Variants in PCDHGA7 observed in about 807,000 individuals in gnomAD.
The protein encoded by PCDHGA7 is protocadherin gamma-A7.
In PCDHGA7, 44 loss-of-function variants were observed where a neutral mutation model predicts 58.3. The observed-to-expected ratio is 0.75, with a 90% CI of 0.59 to 0.97. The LOEUF (loss-of-function observed/expected upper bound fraction) is 0.97. Among genes scored for constraint, PCDHGA7 ranks in the 50% least tolerant of loss-of-function variants. The probability of loss-of-function intolerance (pLI) is 0.00; values close to 1 mark genes in which losing one functional copy is unlikely to be tolerated. For missense variants in PCDHGA7, 1,266 were observed against 1,188.7 expected, an observed-to-expected ratio of 1.06 and a Z score of -0.96; for synonymous variants, 516 against 504.2, an observed-to-expected ratio of 1.02 and a Z score of -0.31.
At position 141,486,092 on chromosome 5, in the gene PCDHGA7, C is replaced by T. The variant is rs2099624294; in HGVS notation, c.2425-8715C>T. The T allele has an allele frequency of 3.7e-6, 6 of 1,614,148 alleles. No homozygotes were observed. In the East Asian group the frequency reaches 1.3e-4, roughly 36 times the overall value. On this transcript the variant is annotated intron_variant, in intron 1 of 3. Coordinates refer to ENST00000518325, the MANE Select transcript of PCDHGA7 (RefSeq NM_018920.4). This position sits in a 1 kb window ranked among gnomAD's most constrained non-coding sequence, Gnocchi z 5.0. Reference sequence around the variant, plus strand: ...TACTGGAAAGCTTACTCTTTTGGGGCCCCTAGACTTTGAGAGTGAGAATTA... The same window carrying T: ...TACTGGAAAGCTTACTCTTTTGGGGTCCCTAGACTTTGAGAGTGAGAATTA...
At chr5:141,394,122 C>G in intron 1 of PCDHGA7, 1 of 1,613,944 alleles carries the variant, frequency 6.2e-7, no homozygotes, top group Middle Eastern at 1.6e-4. Context: ...CACTGAAACT[C>G]AAATCGCTCT....
chr5:141,498,103 G>C (rs2099781622), intron 2 of PCDHGA7, among the ~76,000 whole-genome samples: 1 of 152,216 alleles, frequency 6.6e-6, no homozygotes. Context: ...GGTGGTGTGG[G>C]CGTATAATAG....
chr5:141,384,870 C>T lies in PCDHGA7; in HGVS notation c.1971C>T (p.Thr657=), dbSNP rs573213865. 2.6e-5 allele frequency: 42 copies of T among 1,613,806 alleles called. No homozygotes were observed. The Admixed American group carries it at 4.7e-4, about 18-fold the overall frequency. ...QDHGQPPLSA[T]VTLTVAVADS... Reference sequence around the variant, plus strand: ...ACGGTCAGCCTCCTCTGTCAGCCACCGTCACACTCACCGTGGCTGTGGCTG... The same window carrying T: ...ACGGTCAGCCTCCTCTGTCAGCCACTGTCACACTCACCGTGGCTGTGGCTG... Residue 657 remains threonine, a synonymous_variant, in exon 1 of 4, where the codon ACC becomes ACT. Coordinates refer to ENST00000518325, the MANE Select transcript of PCDHGA7 (RefSeq NM_018920.4).
chr5:141,507,251 A>G (rs958917337), intron 3 of PCDHGA7: 3 of 152,400 alleles, frequency 2.0e-5, no homozygotes, highest in Non-Finnish European at 4.4e-5. Context: ...TGAATGTCAG[A>G]TAAACAGCAA....
intron 1 of PCDHGA7, chr5:141,390,568 C>T: frequency 2.4e-6 from 1 of 414,986 alleles, no homozygotes; most frequent in Non-Finnish European, 4.3e-6. Context: ...GTTGTTGGCT[C>T]TCTCCTAAAA....
intron 3 of PCDHGA7, among the ~76,000 whole-genome samples, chr5:141,508,620 G>A (rs1017391751): frequency 2.0e-5 from 3 of 152,070 alleles, no homozygotes; most frequent in East Asian, 1.9e-4. Context: ...GACGTGGGTG[G>A]GCCGAGCTTC....
At position 141,384,012 on chromosome 5, in the gene PCDHGA7, A is replaced by G; in HGVS notation, c.1113A>G (p.Leu371=). ...GGACAGTCATTGCTCTTTTCTACCT[A>G]CAAGACAGAGATTCTGGAAAGAATG... The part of the protein sequence containing the change: ...PLGTVIALFY[L]QDRDSGKNGE... The change falls in exon 1 of 4, where the codon CTA becomes CTG. Residue 371 remains leucine (L), a synonymous_variant. Transcript: ENST00000518325. The G allele has an allele frequency of 6.2e-7, 1 of 1,613,830 alleles. No individual in the cohort carries two copies. Among genetic ancestry groups the G allele is most frequent in the Non-Finnish European group, 8.5e-7 (1 of 1,179,812 alleles).
At position 141,419,726 on chromosome 5, in the gene PCDHGA7, A is replaced by AC. The variant is rs757890106; in HGVS notation, c.2424+34404dup. On this transcript the variant is annotated intron_variant, in intron 1 of 3. Coordinates refer to ENST00000518325, the MANE Select transcript of PCDHGA7 (RefSeq NM_018920.4). ...CGGGCTCTTCAGCCTGGGGCTGCGA[A>AC]CAGGCGAGGTGCGCATGGTGCGTGC... 3.1e-6 allele frequency: 5 copies of AC among 1,613,402 alleles called. No individual in the cohort carries two copies. The Admixed American group carries it at 8.3e-5, about 27-fold the overall frequency.
At chr5:141,466,123 A>G (rs961197575) in intron 1 of PCDHGA7, among the ~76,000 whole-genome samples, 1 of 151,364 alleles carries the variant, frequency 6.6e-6, no homozygotes, top group African/African-American at 2.4e-5. Flanking sequence ...CTCCAGCTCA[A>G]AAAAAAAATC....
intron 1 of PCDHGA7, among the ~76,000 whole-genome samples, chr5:141,467,950 C>T (rs780236016): frequency 2.6e-5 from 4 of 152,290 alleles, no homozygotes; most frequent in Admixed American, 6.5e-5. Context: ...TGAGCCACCA[C>T]ACCCGGCTGC....
chr5:141,425,483 C>A (rs1172308088), intron 1 of PCDHGA7, among the ~76,000 whole-genome samples: 2 of 152,304 alleles, frequency 1.3e-5, no homozygotes, highest in Non-Finnish European at 2.9e-5. Flanking sequence ...CTATGGCAAC[C>A]TACTAGGCTA....
At chr5:141,386,116 T>G (rs376387323) in intron 1 of PCDHGA7, 1 of 152,146 alleles carries the variant, frequency 6.6e-6, no homozygotes, top group Admixed American at 6.6e-5. Context: ...GCTATCAAAG[T>G]GGGAGATTGG....
intron 1 of PCDHGA7, chr5:141,404,104 T>C (rs2094485215): frequency 1.2e-6 from 2 of 1,613,640 alleles, no homozygotes; most frequent in East Asian, 2.2e-5. Flanking sequence ...AAGTTGTCTG[T>C]TCTATCCAGG....
In PCDHGA7 at chr5:141,384,872, T is replaced by C. The variant is rs773444317; in HGVS notation, c.1973T>C (p.Val658Ala). 3 of 1,613,766 alleles carry C rather than the reference T, an allele frequency of 1.9e-6. No individual in the cohort carries two copies. Among genetic ancestry groups the C allele is most frequent in the Non-Finnish European group, 1.7e-6 (2 of 1,179,946 alleles). Residue 658 changes from valine to alanine, a missense_variant, in exon 1 of 4, where the codon GTC becomes GCC. Transcript: ENST00000518325. ...DHGQPPLSATVTLTVAVADSI... is the reference protein window; with the variant it reads ...DHGQPPLSATATLTVAVADSI... ...GGTCAGCCTCCTCTGTCAGCCACCG[T>C]CACACTCACCGTGGCTGTGGCTGAC...
At chr5:141,503,178 T>C (rs988629461) in intron 2 of PCDHGA7, among the ~76,000 whole-genome samples, 56 of 151,998 alleles carry the variant, frequency 3.7e-4, no homozygotes, top group African/African-American at 1.3e-3. Flanking sequence ...TACTCTATTG[T>C]GTAATTATTT....
At chr5:141,508,806 C>T (rs1243735850) in intron 3 of PCDHGA7, among the ~76,000 whole-genome samples, 1 of 152,066 alleles carries the variant, frequency 6.6e-6, no homozygotes, top group African/African-American at 2.4e-5. Flanking sequence ...AATCCTGGCT[C>T]TTTGAAGCCA....
At chr5:141,395,542 T>TTGTTTGTTTG (rs1267535064) in intron 1 of PCDHGA7, 1 of 168,708 alleles carries the variant, frequency 5.9e-6, no homozygotes, top group African/African-American at 5.7e-5. Context: ...TTGCTATTGT[T>TTGTTTGTTTG]TGTGTGTGTG....
Position 141,409,086 on chromosome 5 carries a change from A to G in PCDHGA7, c.2424+23763A>G, listed in dbSNP as rs1019017199. 6.8e-6 allele frequency: 11 copies of G among 1,613,904 alleles called. No homozygotes were observed. Among genetic ancestry groups the G allele is most frequent in the African/African-American group, 5.3e-5 (4 of 74,932 alleles). On this transcript the variant is annotated intron_variant, in intron 1 of 3. Transcript: ENST00000518325. ...AGCACAAAACATATGTTCTCATTGG[A>G]TGAGAAAACAGGTATGATTAAGAAT... is the stretch of plus-strand genomic sequence containing the variant.
chr5:141,394,487 C>A, intron 1 of PCDHGA7: 1 of 1,614,248 alleles, frequency 6.2e-7, no homozygotes. Context: ...AGAATGACAA[C>A]GCGCCCGAGA....
Sources: allele counts gnomAD v4.1 joint callset (sites outside exome capture counted in the v4.1 genomes callset), GRCh38; gene constraint gnomAD v4.1.1; non-coding constraint Gnocchi (gnomAD v3.1); transcripts MANE v1.5; gene names NCBI Gene and HGNC (gene_info 2026-07-23, HGNC 2026-07-21).